ZC3H12B: variants seen among roughly 807,000 people sequenced by gnomAD.
ZC3H12B encodes the protein probable ribonuclease ZC3H12B.
A neutral mutation model predicts 43.9 loss-of-function variants in ZC3H12B; 7 were observed. That is an observed-to-expected ratio of 0.16 (90% confidence interval 0.09 to 0.30). ZC3H12B has a LOEUF of 0.30. ZC3H12B is among the 10% of genes least tolerant of loss of function. ZC3H12B has a pLI of 1.00. For missense variants in ZC3H12B, 475 were observed against 670.2 expected (o/e 0.71, Z 3.22); for synonymous variants, 222 against 241.7 (o/e 0.92, Z 0.76).
chrX:65,162,980 G>A, the ZC3H12B span, among the ~76,000 whole-genome samples: 28 of 112,138 alleles, frequency 2.5e-4, no homozygotes, highest in Non-Finnish European at 4.9e-4. Flanking sequence ...AGCTTTCCTT[G>A]TAACAGACAA....
chrX:65,273,625 C>A, the ZC3H12B span, among the ~76,000 whole-genome samples: 1 of 111,232 alleles, frequency 9.0e-6, no homozygotes, highest in Non-Finnish European at 1.9e-5. Context: ...TGAGATGAAC[C>A]CAAAGACATC....
At chrX:65,106,477 A>T in the ZC3H12B span, among the ~76,000 whole-genome samples, 1 of 111,717 alleles carries the variant, frequency 9.0e-6, no homozygotes, top group Non-Finnish European at 1.9e-5. Context: ...GGATTTGAAG[A>T]AGACAAGATC....
chrX:65,243,192 CAG>C, the ZC3H12B span, among the ~76,000 whole-genome samples: 1 of 111,700 alleles, frequency 9.0e-6, no homozygotes, highest in Non-Finnish European at 1.9e-5. Context: ...AGAGATAAAA[CAG>C]AATTGGAGAA....
At chrX:65,052,393 C>T in the ZC3H12B span, among the ~76,000 whole-genome samples, 1 of 110,810 alleles carries the variant, frequency 9.0e-6, no homozygotes, top group African/African-American at 3.3e-5. Flanking sequence ...CCCTATTGTG[C>T]TATCAAATAG....
the ZC3H12B span, among the ~76,000 whole-genome samples, chrX:65,329,894 T>A: frequency 1.8e-5 from 2 of 111,413 alleles, no homozygotes; most frequent in Non-Finnish European, 3.8e-5. Context: ...CTCTGTTCTG[T>A]TCCATTGGTC....
At chrX:65,471,598 G>A (rs2067914904) in intron 3 of ZC3H12B, among the ~76,000 whole-genome samples, 1 of 108,291 alleles carries the variant, frequency 9.2e-6, no homozygotes, top group Admixed American at 1.0e-4. Flanking sequence ...TTACAGATAT[G>A]CACCACCATG....
the ZC3H12B span, among the ~76,000 whole-genome samples, chrX:65,115,639 T>C: frequency 8.9e-6 from 1 of 111,774 alleles, no homozygotes; most frequent in Non-Finnish European, 1.9e-5. Context: ...CCCACTGTTT[T>C]CCGTAGTGGT....
chrX:65,083,149 G>T, the ZC3H12B span, among the ~76,000 whole-genome samples: 1 of 110,978 alleles, frequency 9.0e-6, no homozygotes, highest in Non-Finnish European at 1.9e-5. Flanking sequence ...ACCCACAGCT[G>T]GTTTCATACT....
chrX:65,255,221 A>G, the ZC3H12B span, among the ~76,000 whole-genome samples: 1 of 111,279 alleles, frequency 9.0e-6, no homozygotes, highest in African/African-American at 3.3e-5. Flanking sequence ...GTGAGGTACT[A>G]TACAAGATGA....
the ZC3H12B span, among the ~76,000 whole-genome samples, chrX:65,216,071 T>C: frequency 1.1e-4 from 12 of 111,324 alleles, no homozygotes; most frequent in African/African-American, 2.3e-4. Flanking sequence ...CAGAGCAGCA[T>C]GGTCAAATAA....
At chrX:65,229,107 G>A in the ZC3H12B span, among the ~76,000 whole-genome samples, 2 of 110,177 alleles carry the variant, frequency 1.8e-5, no homozygotes, top group African/African-American at 6.6e-5. Context: ...CAAAGCTGGA[G>A]GCATCACACT....
chrX:65,144,918 C>A, the ZC3H12B span, among the ~76,000 whole-genome samples: 1 of 111,563 alleles, frequency 9.0e-6, no homozygotes, highest in African/African-American at 3.3e-5. Flanking sequence ...AAGTTCCATG[C>A]GCTGTTGAAT....
intron 3 of ZC3H12B, among the ~76,000 whole-genome samples, chrX:65,462,273 G>A (rs2067760876): frequency 9.0e-6 from 1 of 111,223 alleles, no homozygotes; most frequent in African/African-American, 3.3e-5. Context: ...CACTTTGGGA[G>A]GCCAGGGCGG....
chrX:65,295,421 C>G, the ZC3H12B span, among the ~76,000 whole-genome samples: 1 of 111,151 alleles, frequency 9.0e-6, no homozygotes, highest in East Asian at 2.8e-4. Flanking sequence ...CTAAGAGGAA[C>G]GTTCAGAGCA....
the ZC3H12B span, among the ~76,000 whole-genome samples, chrX:65,274,225 G>A: frequency 1.8e-5 from 2 of 111,815 alleles, no homozygotes; most frequent in African/African-American, 6.5e-5. Flanking sequence ...GTCCTTGCAT[G>A]TCCTGGGCCA....
the ZC3H12B span, among the ~76,000 whole-genome samples, chrX:65,172,907 G>T: frequency 1.8e-5 from 2 of 111,558 alleles, no homozygotes; most frequent in Non-Finnish European, 3.8e-5. Context: ...TGGCTATATG[G>T]GCTCATTTTT....
chrX:65,496,948 C>CAAAAAAAAAAAAAAA (rs373400545), intron 1 of ZC3H12B, among the ~76,000 whole-genome samples, 184 bp from the exon 7 acceptor site: 6 of 40,884 alleles, frequency 1.5e-4, no homozygotes, highest in Admixed American at 3.2e-4. Flanking sequence ...AAAGTGAGAC[C>CAAAAAAAAAAAAAAA]AAAAAAAAAA....
intron 2 of ZC3H12B, among the ~76,000 whole-genome samples, chrX:65,386,747 A>G (rs1030663012): frequency 1.8e-5 from 2 of 110,859 alleles, no homozygotes; most frequent in African/African-American, 3.3e-5. Context: ...TAGGGTGTCA[A>G]TTTTGGATCT....
intron 3 of ZC3H12B, among the ~76,000 whole-genome samples, chrX:65,443,888 G>A (rs1010371195): frequency 1.8e-5 from 2 of 112,606 alleles, no homozygotes; most frequent in East Asian, 2.8e-4. Context: ...TTTAATCTAT[G>A]TGTGTTCTTA....
Sources: gnomAD v4.1 joint callset for allele counts (sites outside exome capture counted in the v4.1 genomes callset) on GRCh38, gnomAD v4.1.1 for gene constraint, MANE v1.5 for transcripts, NCBI Gene and HGNC (gene_info 2026-07-23, HGNC 2026-07-21) for gene names.